Variants in MAPRE3 observed in about 807,000 individuals in gnomAD.
MAPRE3 encodes the protein microtubule associated protein RP/EB family member 3.
A neutral mutation model predicts 30.5 loss-of-function variants in MAPRE3; 2 were observed. The observed-to-expected ratio is 0.07, with a 90% CI of 0.03 to 0.21. The LOEUF is 0.21. MAPRE3 is among the 10% of genes least tolerant of loss of function. MAPRE3 has a pLI of 1.00. For synonymous variants in MAPRE3, 110 were observed against 127.7 expected (o/e 0.86, Z 0.93); for missense variants, 204 against 351.8 (o/e 0.58, Z 3.36).
chr2:27,004,300 C>T (rs1013320245), intron 1 of MAPRE3, among the ~76,000 whole-genome samples: 6 of 152,138 alleles, frequency 3.9e-5, no homozygotes, highest in Admixed American at 6.5e-5. Flanking sequence ...CACCACAGGG[C>T]TACTATTTAG....
At chr2:26,978,419 G>A (rs537812120) in intron 1 of MAPRE3, among the ~76,000 whole-genome samples, 5 of 152,226 alleles carry the variant, frequency 3.3e-5, no homozygotes, top group African/African-American at 1.2e-4. Context: ...CCAGACTCTT[G>A]GCAGCCAGCC....
chr2:26,994,612 C>T (rs763064463), intron 1 of MAPRE3, among the ~76,000 whole-genome samples: 1 of 152,132 alleles, frequency 6.6e-6, no homozygotes, highest in Non-Finnish European at 1.5e-5. Flanking sequence ...ATCATGACAT[C>T]GTTACAGTTT....
intron 6 of MAPRE3, 69 bp from the exon 7 acceptor site, chr2:27,026,211 C>A: frequency 1.3e-6 from 2 of 1,488,152 alleles, no homozygotes; most frequent in Non-Finnish European, 1.8e-6. Flanking sequence ...TCTTCAGCTA[C>A]TTACAGAACC....
Position 26,973,380 on chromosome 2 carries a change from T to C in MAPRE3, c.-8+2578T>C, listed in dbSNP as rs1249932476. On this transcript the variant is annotated intron_variant, in intron 1 of 6. Transcript: ENST00000233121. ...TAAGATGACTGGCTGGAGTTAGGCA[T>C]AGTAGGAGGCTATTGAACGGAGGAA... Among the ~76,000 whole-genome samples the C allele has an allele frequency of 2.0e-5, 3 of 152,248 alleles. No homozygotes were observed. In the South Asian group the frequency reaches 6.2e-4, roughly 32 times the overall value.
chr2:26,999,219 G>A (rs926225223), intron 1 of MAPRE3, among the ~76,000 whole-genome samples: 1 of 152,178 alleles, frequency 6.6e-6, no homozygotes, highest in Non-Finnish European at 1.5e-5. Flanking sequence ...AGAGCCATTG[G>A]TGCTTAGGGG....
At chr2:26,993,587 G>A (rs1666395490) in intron 1 of MAPRE3, among the ~76,000 whole-genome samples, 2 of 152,138 alleles carry the variant, frequency 1.3e-5, no homozygotes. Flanking sequence ...AAAAATTCCT[G>A]TTGAGGGAAA....
chr2:27,010,297 TA>T (rs1666820249), intron 1 of MAPRE3, among the ~76,000 whole-genome samples: 2 of 152,194 alleles, frequency 1.3e-5, no homozygotes, highest in Admixed American at 1.3e-4. Context: ...GTGTTGTGAG[TA>T]GCTGGAGAAA....
Position 27,026,595 on chromosome 2 carries a change from T to G in MAPRE3, c.*247T>G. 1 of 449,744 alleles carries G rather than the reference T, an allele frequency of 2.2e-6. No individual in the cohort carries two copies. Among genetic ancestry groups the G allele is most frequent in the South Asian group, 4.2e-5 (1 of 23,648 alleles). 27.9% of individuals were successfully genotyped at this position (449,744 alleles called of 1,614,324 possible). A position where few individuals can be genotyped will look rare whatever the true frequency, so the allele number is the denominator to read the frequency against. ...CCACCCTATTTATTTCCGTTGTCTC[T>G]CTGCTGTGTCGCCCAACACTTCCCA... On this transcript the variant is annotated 3_prime_UTR_variant, in exon 7 of 7. Coordinates refer to ENST00000233121, the MANE Select transcript of MAPRE3 (RefSeq NM_012326.4).
chr2:26,995,825 G>GTGTGTGTGTGTGTGTGTGTGTA (rs1473997599), intron 1 of MAPRE3, among the ~76,000 whole-genome samples: 26 of 149,316 alleles, frequency 1.7e-4, no homozygotes, highest in South Asian at 1.1e-3. Context: ...GTGTGTGTGT[G>GTGTGTGTGTGTGTGTGTGTGTA]TGTGTATGTG....
Position 27,024,104 on chromosome 2 carries a change from T to C in MAPRE3, c.276T>C (p.Pro92=), listed in dbSNP as rs753541772. The C allele has an allele frequency of 6.2e-7, 1 of 1,613,282 alleles. No individual in the cohort carries two copies. The highest frequency in any genetic ancestry group is 1.1e-5 in the South Asian group (1 of 90,914). Residue 92 remains proline, a synonymous_variant, in exon 4 of 7, where the codon CCT becomes CCC. Coordinates refer to ENST00000233121, the MANE Select transcript of MAPRE3 (RefSeq NM_012326.4). Reference sequence around the variant, plus strand: ...TATGTGGTCTATTTCAGATCATTCCTGTAGAGAAATTAGTGAAAGGAAAAT... The same window carrying C: ...TATGTGGTCTATTTCAGATCATTCCCGTAGAGAAATTAGTGAAAGGAAAAT... ...FKKMGVDKII[P]VEKLVKGKFQ...
At chr2:26,990,436 CA>C (rs1406765770) in intron 1 of MAPRE3, among the ~76,000 whole-genome samples, 6 of 152,162 alleles carry the variant, frequency 3.9e-5, no homozygotes, top group African/African-American at 1.4e-4. Context: ...ACTTCTTGCC[CA>C]AAACTTTTCC....
chr2:27,008,779 A>C (rs1413248867), intron 1 of MAPRE3, among the ~76,000 whole-genome samples: 1 of 152,216 alleles, frequency 6.6e-6, no homozygotes, highest in African/African-American at 2.4e-5. Flanking sequence ...GTAATCACCC[A>C]AAACTGGAGA....
At position 27,025,887 on chromosome 2, in the gene MAPRE3, A is replaced by T. The variant is rs1405825332; in HGVS notation, c.632A>T (p.Asp211Val). 6.2e-6 allele frequency: 10 copies of T among 1,614,060 alleles called. No individual in the cohort carries two copies. The highest frequency in any genetic ancestry group is 1.3e-5 in the African/African-American group (1 of 74,920). ...CACTTTGTCCCCAAGCAGCTGGTGG[A>T]CTTGAAGCTGACAGTGGATGGGCTG... ...QILELNQQLVDLKLTVDGLEK... is the reference protein window; with the variant it reads ...QILELNQQLVVLKLTVDGLEK... The change falls in exon 6 of 7, where the codon GAC (aspartate) becomes GTC (valine). Residue 211 changes from aspartate (D) to valine (V), a missense_variant. Asp to Val is a radical substitution (Grantham distance 152, BLOSUM62 -3). This residue lies in a region of MAPRE3 where 42 missense variants were observed against 81.2 expected (regional missense o/e 0.52). Transcript: ENST00000233121.
intron 1 of MAPRE3, chr2:27,012,535 T>C (rs1666884463): frequency 6.6e-6 from 1 of 152,266 alleles, no homozygotes; most frequent in Admixed American, 6.5e-5. Flanking sequence ...GCATTTCTGG[T>C]GGGAATTTCG....
intron 2 of MAPRE3, 141 bp downstream of exon 2, chr2:27,022,480 A>ATGT: frequency 1.8e-6 from 2 of 1,123,316 alleles, no homozygotes; most frequent in Non-Finnish European, 2.5e-6. Context: ...TCCTTAGGCG[A>ATGT]TGTTGTTGTT....
chr2:26,991,405 G>C (rs1666340124), intron 1 of MAPRE3, among the ~76,000 whole-genome samples: 1 of 152,160 alleles, frequency 6.6e-6, no homozygotes, highest in Non-Finnish European at 1.5e-5. Context: ...AGTGGTGGCT[G>C]GACCAATACT....
At chr2:26,991,007 A>G (rs1179927214) in intron 1 of MAPRE3, among the ~76,000 whole-genome samples, 2 of 152,210 alleles carry the variant, frequency 1.3e-5, no homozygotes, top group African/African-American at 2.4e-5. Context: ...TAATCCCAGC[A>G]CTTTGGGAGG....
At position 27,025,595 on chromosome 2, in the gene MAPRE3, C is replaced by T. The variant is rs140237898; in HGVS notation, c.482C>T (p.Thr161Met). The change falls in exon 5 of 7, where the codon ACG (threonine) becomes ATG (methionine). Residue 161 changes from threonine (T) to methionine (M), a missense_variant. By Grantham distance (81) the Thr-to-Met change is moderately conservative. Around this residue, in one of 5 missense-constraint regions of MAPRE3, gnomAD observed 101 missense variants for 205.4 expected, o/e 0.49. Coordinates refer to ENST00000233121, the MANE Select transcript of MAPRE3 (RefSeq NM_012326.4). ...KLIGTAVPQR[T>M]SPTGPKNMQT... ...TTCCTCTGGGCAGTTCCACAGAGGA[C>T]GTCCCCCACAGGCCCAAAAAACATG... The T allele has an allele frequency of 1.4e-5, 22 of 1,579,568 alleles. No individual in the cohort carries two copies. The highest frequency in any genetic ancestry group is 1.7e-5 in the Non-Finnish European group (20 of 1,164,004).
At chr2:26,975,675 A>G (rs1666002363) in intron 1 of MAPRE3, among the ~76,000 whole-genome samples, 1 of 152,254 alleles carries the variant, frequency 6.6e-6, no homozygotes, top group South Asian at 2.1e-4. Context: ...TTGACTTGTT[A>G]TAAGAAGCAT....
Sources: gnomAD v4.1 joint callset for allele counts (sites outside exome capture counted in the v4.1 genomes callset) on GRCh38, gnomAD v4.1.1 for gene constraint, gnomAD v4.1.1 regional missense constraint, MANE v1.5 for transcripts, NCBI Gene and HGNC (gene_info 2026-07-23, HGNC 2026-07-21) for gene names.